The following LRRC49 variants were observed in gnomAD, a reference collection of about 807,000 sequenced individuals.
LRRC49 encodes leucine-rich repeat-containing protein 49.
In LRRC49, 50 loss-of-function variants were observed where a neutral mutation model predicts 83.3. The observed-to-expected ratio is 0.60, with a 90% confidence interval of 0.48 to 0.76. The LOEUF is 0.76. LRRC49 is among the 30% of genes least tolerant of loss of function. The pLI, the probability that LRRC49 is intolerant of heterozygous loss-of-function variation, is 0.00. For synonymous variants in LRRC49, 286 were observed against 283.3 expected, an observed-to-expected ratio of 1.01 and a Z score of -0.10; for missense variants, 704 against 809.1, an observed-to-expected ratio of 0.87 and a Z score of 1.58.
At position 70,962,350 on chromosome 15, in the gene LRRC49, A is replaced by G. The variant is rs116908382; in HGVS notation, c.774-1435A>G. Among the ~76,000 whole-genome samples, 1,336 of 152,230 alleles carry G rather than the reference A, an allele frequency of 8.8e-3. 8 individuals carry two copies. Among genetic ancestry groups the G allele is most frequent in the Non-Finnish European group, 0.016 (1,097 of 68,004 alleles). ...TGGACAGATGGTTACTTAGAGAAAT[A>G]TTTATAGATATATGCATATACACAG... On this transcript the variant is annotated intron_variant, in intron 8 of 15. Coordinates refer to ENST00000260382, the MANE Select transcript of LRRC49 (RefSeq NM_017691.5).
intron 10 of LRRC49, 24 bp downstream of exon 10, chr15:70,980,208 G>T: frequency 6.5e-7 from 1 of 1,541,518 alleles, no homozygotes; most frequent in Non-Finnish European, 8.9e-7. Context: ...TGTCTACATG[G>T]ATGTGTGTGC....
At chr15:71,012,217 T>C (rs1247641489) in intron 13 of LRRC49, among the ~76,000 whole-genome samples, 5 of 152,198 alleles carry the variant, frequency 3.3e-5, no homozygotes, top group Admixed American at 6.5e-5. Context: ...TGCTTTCAGC[T>C]TTTAGTACTT....
At chr15:70,858,871 T>C in intron 1 of LRRC49, 2 of 763,182 alleles carry the variant, frequency 2.6e-6, no homozygotes. Context: ...GGGTGGAGGC[T>C]GGGTGGTGGG....
intron 1 of LRRC49, chr15:70,860,015 C>A: frequency 2.7e-6 from 2 of 749,318 alleles, no homozygotes; most frequent in Non-Finnish European, 2.4e-6. Context: ...AAGCCCCGGC[C>A]TCAGCTACAG....
At chr15:70,960,853 C>T (rs967239866) in intron 8 of LRRC49, among the ~76,000 whole-genome samples, 13 of 152,066 alleles carry the variant, frequency 8.5e-5, no homozygotes, top group Non-Finnish European at 5.9e-5. Flanking sequence ...GGAGAAAATC[C>T]AGACAACCTT....
At chr15:70,860,361 T>C (rs1353452910) in intron 1 of LRRC49, among the ~76,000 whole-genome samples, 1 of 152,208 alleles carries the variant, frequency 6.6e-6, no homozygotes, top group African/African-American at 2.4e-5. Flanking sequence ...TCAATTGCTT[T>C]TTAAATAAAA....
chr15:70,884,807 C>A (rs2033362561), intron 2 of LRRC49, among the ~76,000 whole-genome samples: 1 of 152,034 alleles, frequency 6.6e-6, no homozygotes, highest in African/African-American at 2.4e-5. Flanking sequence ...AACAATAATA[C>A]ATTTTTTACT....
intron 8 of LRRC49, among the ~76,000 whole-genome samples, chr15:70,946,889 C>T (rs1307061421): frequency 6.6e-6 from 1 of 151,904 alleles, no homozygotes; most frequent in Non-Finnish European, 1.5e-5. Context: ...TGGGAAATGT[C>T]TATTGTAGTC....
chr15:70,893,349 C>T, intron 1 of LRRC49: 1 of 580,034 alleles, frequency 1.7e-6, no homozygotes, highest in East Asian at 2.9e-5. Flanking sequence ...GAGGTACTAA[C>T]TAGAGGGTTA....
chr15:70,966,897 A>T (rs1442320277), intron 9 of LRRC49, among the ~76,000 whole-genome samples: 3 of 152,176 alleles, frequency 2.0e-5, no homozygotes, highest in African/African-American at 7.2e-5. Context: ...GCTGGATTAC[A>T]GTGCAAAATG....
intron 15 of LRRC49, 29 bp from the exon 16 acceptor site, chr15:71,049,380 A>C (rs759632380): frequency 2.3e-5 from 33 of 1,426,336 alleles, no homozygotes; most frequent in Non-Finnish European, 3.1e-5. Flanking sequence ...GTTATGATTT[A>C]ATACAAAACT....
chr15:70,860,170 C>T (rs550341709), intron 1 of LRRC49: 71 of 673,818 alleles, frequency 1.1e-4, no homozygotes, highest in South Asian at 5.3e-4. Flanking sequence ...TGAACAGACG[C>T]GGCAGCCCCT....
intron 1 of LRRC49, chr15:70,893,257 A>T (rs1035478789): frequency 7.2e-6 from 4 of 557,968 alleles, no homozygotes; most frequent in Non-Finnish European, 1.3e-5. Flanking sequence ...TGTGAAGAGA[A>T]TTTATCATTA....
chr15:71,012,933 G>A lies in LRRC49; in HGVS notation c.1703+20G>A. 6.8e-7 allele frequency: 1 copy of A among 1,472,856 alleles called. No individual in the cohort carries two copies. The highest frequency in any genetic ancestry group is 9.4e-7 in the Non-Finnish European group (1 of 1,062,060). The allele number at this position is 1,472,856 out of a possible 1,614,324, so 91.2% of individuals were successfully genotyped here. On this transcript the variant is annotated intron_variant, in intron 14 of 15. Coordinates refer to ENST00000260382, the MANE Select transcript of LRRC49 (RefSeq NM_017691.5). ...TGCCAGGTAACCTTTAATTTTTGTAGTTTTTTATAGAATTACTGTTACACT... is the reference window on the plus strand; with the variant it reads ...TGCCAGGTAACCTTTAATTTTTGTAATTTTTTATAGAATTACTGTTACACT...
At chr15:70,951,511 C>T (rs1253227386) in intron 8 of LRRC49, among the ~76,000 whole-genome samples, 1 of 151,946 alleles carries the variant, frequency 6.6e-6, no homozygotes, top group African/African-American at 2.4e-5. Context: ...GTATTTTATT[C>T]TTTTTCTGGC....
intron 4 of LRRC49, among the ~76,000 whole-genome samples, chr15:70,901,772 A>G (rs1434995468): frequency 6.6e-6 from 1 of 152,154 alleles, no homozygotes; most frequent in Non-Finnish European, 1.5e-5. Flanking sequence ...GTTCTGTATT[A>G]TTGGTATTTA....
At chr15:70,892,541 G>T, upstream of LRRC49, 1 of 1,510,490 alleles carries the variant, frequency 6.6e-7, no homozygotes. Flanking sequence ...CGCGCGGGCA[G>T]CGCTGAGGTG....
chr15:70,935,212 G>A (rs2035554425), intron 7 of LRRC49, among the ~76,000 whole-genome samples: 1 of 152,176 alleles, frequency 6.6e-6, no homozygotes, highest in African/African-American at 2.4e-5. Context: ...CTTCATGGGA[G>A]TGGGCCTGAG....
At chr15:71,006,372 G>A (rs2038457963) in intron 11 of LRRC49, among the ~76,000 whole-genome samples, 2 of 152,084 alleles carry the variant, frequency 1.3e-5, no homozygotes, top group African/African-American at 4.8e-5. Flanking sequence ...TTCCCAAAGG[G>A]TTTGTTGATG....
Sources: gnomAD v4.1 joint callset for allele counts (sites outside exome capture counted in the v4.1 genomes callset) on GRCh38, gnomAD v4.1.1 for gene constraint, MANE v1.5 for transcripts, NCBI Gene and HGNC (gene_info 2026-07-23, HGNC 2026-07-21) for gene names.